PDE4D: variants seen among roughly 807,000 people sequenced by gnomAD.
PDE4D encodes 3',5'-cyclic-AMP phosphodiesterase 4D.
A neutral mutation model predicts 87.4 loss-of-function variants in PDE4D; 24 were observed. The observed-to-expected ratio is 0.27, with a 90% CI of 0.20 to 0.39. PDE4D has a LOEUF of 0.39. Ranked by LOEUF, PDE4D falls within the 10% of genes least tolerant of loss-of-function variation. The pLI is 1.00. For missense variants in PDE4D, 714 were observed against 1,041.0 expected (o/e 0.69, Z 4.32); for synonymous variants, 384 against 383.2 (o/e 1.00, Z -0.02).
At chr5:59,796,186 T>G (rs1766459481) in intron 1 of PDE4D, among the ~76,000 whole-genome samples, 1 of 152,210 alleles carries the variant, frequency 6.6e-6, no homozygotes, top group South Asian at 2.1e-4. Context: ...GTCTGGTGTC[T>G]TGGGAGAAAT....
intron 5 of PDE4D, among the ~76,000 whole-genome samples, chr5:59,107,126 T>A (rs1013769605): frequency 3.3e-5 from 5 of 152,078 alleles, no homozygotes; most frequent in Non-Finnish European, 5.9e-5. Context: ...TGTGTGCTTG[T>A]GTGTGTGTGT....
chr5:59,222,740 GA>G (rs1752827595), intron 1 of PDE4D, among the ~76,000 whole-genome samples: 1 of 152,142 alleles, frequency 6.6e-6, no homozygotes, highest in Non-Finnish European at 1.5e-5. Flanking sequence ...GGTTAAATTT[GA>G]AATCTTGGTT....
chr5:59,272,731 T>C (rs755080572), intron 1 of PDE4D, among the ~76,000 whole-genome samples: 21 of 152,106 alleles, frequency 1.4e-4, no homozygotes, highest in Non-Finnish European at 2.8e-4. Flanking sequence ...TTAATAAAAT[T>C]TTAATTATAA....
intron 1 of PDE4D, among the ~76,000 whole-genome samples, chr5:59,287,954 C>A (rs1767309502): frequency 6.6e-6 from 1 of 152,000 alleles, no homozygotes; most frequent in South Asian, 2.1e-4. Flanking sequence ...GACCACAACA[C>A]CCAAGTTTCT....
intron 2 of PDE4D, among the ~76,000 whole-genome samples, chr5:60,095,402 A>G (rs879454025): frequency 1.3e-5 from 2 of 152,200 alleles, no homozygotes; most frequent in Non-Finnish European, 2.9e-5. Flanking sequence ...ATGGATGCAT[A>G]GTATTCTATG....
chr5:60,147,016 T>C (rs1249437464), intron 2 of PDE4D, among the ~76,000 whole-genome samples: 1 of 152,056 alleles, frequency 6.6e-6, no homozygotes, highest in Admixed American at 6.6e-5. Flanking sequence ...ACCCTGTTGG[T>C]GGGAGTGTAA....
intron 1 of PDE4D, chr5:60,431,214 G>A: frequency 5.3e-6 from 1 of 190,116 alleles, no homozygotes; most frequent in Non-Finnish European, 1.1e-5. Flanking sequence ...CTGCTGGGCG[G>A]AGACGCTCCT....
At chr5:59,838,653 C>G (rs543110915) in intron 1 of PDE4D, among the ~76,000 whole-genome samples, 1 of 152,150 alleles carries the variant, frequency 6.6e-6, no homozygotes, top group East Asian at 1.9e-4. Context: ...CCTGAAACTT[C>G]CGTCATGAAG....
At chr5:59,746,885 A>G (rs540176792) in intron 1 of PDE4D, among the ~76,000 whole-genome samples, 114 of 152,044 alleles carry the variant, frequency 7.5e-4, no homozygotes, top group Non-Finnish European at 6.0e-4. Context: ...CCAGACCATG[A>G]TCTCTTCCTT....
chr5:59,267,606 G>C (rs967927323), intron 1 of PDE4D, among the ~76,000 whole-genome samples: 6 of 151,998 alleles, frequency 3.9e-5, no homozygotes, highest in Non-Finnish European at 8.8e-5. Flanking sequence ...CTCACTAGCA[G>C]TTTTCAAAGG....
chr5:59,289,683 G>A (rs1466645925), intron 1 of PDE4D, among the ~76,000 whole-genome samples: 2 of 151,952 alleles, frequency 1.3e-5, no homozygotes, highest in Non-Finnish European at 2.9e-5. Flanking sequence ...AATACTGGAA[G>A]TCCTTGCTAG....
intron 1 of PDE4D, among the ~76,000 whole-genome samples, chr5:59,823,010 G>A (rs1769884247): frequency 6.6e-6 from 1 of 152,166 alleles, no homozygotes; most frequent in Non-Finnish European, 1.5e-5. Flanking sequence ...TTACAGAATG[G>A]ACAGCCATCC....
chr5:60,317,261 T>A (rs866230245), intron 1 of PDE4D, among the ~76,000 whole-genome samples: 2 of 152,220 alleles, frequency 1.3e-5, no homozygotes, highest in Non-Finnish European at 2.9e-5. Flanking sequence ...CTAGATTTTC[T>A]AGTTTATTTG....
chr5:59,084,423 A>G (rs1243021552), intron 5 of PDE4D, among the ~76,000 whole-genome samples: 2 of 151,964 alleles, frequency 1.3e-5, no homozygotes, highest in East Asian at 1.9e-4. Flanking sequence ...ATTTATATAG[A>G]GACTATATAA....
chr5:59,874,563 A>G (rs1053702901), intron 1 of PDE4D, among the ~76,000 whole-genome samples: 1 of 152,142 alleles, frequency 6.6e-6, no homozygotes, highest in Non-Finnish European at 1.5e-5. Context: ...ACTGGTTATG[A>G]TTTCTTATCC....
At chr5:60,177,417 G>A in intron 2 of PDE4D, among the ~76,000 whole-genome samples, 1 of 152,130 alleles carries the variant, frequency 6.6e-6, no homozygotes, top group East Asian at 1.9e-4. Flanking sequence ...GAAAATTAAT[G>A]TTTAAAGCAG....
At chr5:60,085,389 C>A (rs764839270) in intron 2 of PDE4D, among the ~76,000 whole-genome samples, 1 of 152,160 alleles carries the variant, frequency 6.6e-6, no homozygotes, top group Admixed American at 6.5e-5. Context: ...TGCGAAGCCC[C>A]TCTCTTGTTC....
intron 2 of PDE4D, among the ~76,000 whole-genome samples, chr5:60,180,667 T>C (rs575655221): frequency 1.3e-5 from 2 of 152,250 alleles, no homozygotes; most frequent in East Asian, 3.9e-4. Context: ...TCAGTAAATA[T>C]TTGTAGAACT....
intron 2 of PDE4D, among the ~76,000 whole-genome samples, chr5:60,017,756 T>C (rs1470289032): frequency 6.6e-6 from 1 of 152,226 alleles, no homozygotes; most frequent in Non-Finnish European, 1.5e-5. Flanking sequence ...GCAATGAACA[T>C]ACATGTGCAT....
Sources: allele counts gnomAD v4.1 joint callset (sites outside exome capture counted in the v4.1 genomes callset), GRCh38; gene constraint gnomAD v4.1.1; transcripts MANE v1.5; gene names NCBI Gene and HGNC (gene_info 2026-07-23, HGNC 2026-07-21).